Variants in ZBTB21 observed in about 807,000 individuals in gnomAD.
ZBTB21 encodes the protein zinc finger and BTB domain containing 21.
Under a neutral mutation model 39.8 loss-of-function variants are expected in ZBTB21, and 10 were observed. That is an observed-to-expected ratio of 0.25 (90% CI 0.16 to 0.43). The LOEUF is 0.43. Among genes scored for constraint, ZBTB21 ranks in the 20% least tolerant of loss-of-function variants. The pLI is 1.00. For missense variants in ZBTB21, 1,221 were observed against 1,296.3 expected, an observed-to-expected ratio of 0.94 and a Z score of 0.89; for synonymous variants, 551 against 498.8, an observed-to-expected ratio of 1.10 and a Z score of -1.40.
At chr21:42,003,525 G>C (rs903295136) in intron 1 of ZBTB21, among the ~76,000 whole-genome samples, 1 of 152,164 alleles carries the variant, frequency 6.6e-6, no homozygotes, top group African/African-American at 2.4e-5. Context: ...TAGTCCTAAG[G>C]AAGGCTTGGG....
At position 41,990,671 on chromosome 21, in the gene ZBTB21, A is replaced by T. The variant is rs117381564; in HGVS notation, c.*224T>A. The T allele has an allele frequency of 5.9e-4, 217 of 369,138 alleles. 3 individuals are homozygous for T. The East Asian group carries it at 9.4e-3, about 16-fold the overall frequency. 22.9% of individuals were successfully genotyped at this position (369,138 alleles called of 1,614,324 possible). A position where few individuals can be genotyped will look rare whatever the true frequency, so the allele number is the denominator to read the frequency against. ...ATTTCAACATTAATGAAATCAAACC[A>T]TCTTGTTCTTGTAAGGTCCAGAACC... is the stretch of plus-strand genomic sequence containing the variant. On this transcript the variant is annotated 3_prime_UTR_variant, in exon 3 of 3. Coordinates refer to ENST00000310826, the MANE Select transcript of ZBTB21 (RefSeq NM_001098402.2).
Position 41,993,601 on chromosome 21 carries a change from T to C in ZBTB21, c.495A>G (p.Gln165=), listed in dbSNP as rs201692111. The change falls in exon 3 of 3, where the codon CAA becomes CAG. Residue 165 remains glutamine (Q), a synonymous_variant. Transcript: ENST00000310826. ...AAGTATGGCTTACATCGGGTTGATT[T>C]TGACTAACAGTTTTTCCTTGCGCTT... ...RNEAQGKTVS[Q]NQPDVSHTSR... 18 of 1,614,278 alleles carry C rather than the reference T, an allele frequency of 1.1e-5. No individual in the cohort carries two copies. The African/African-American group carries it at 2.4e-4, about 21-fold the overall frequency.
Position 41,992,157 on chromosome 21 carries a change from G to C in ZBTB21, c.1939C>G (p.Gln647Glu). ...IKLRRGKPGF[Q>E]GQSSSQAQQV... ...TGTGCTTGGGAGCTACTCTGTCCCT[G>C]AAAACCAGGCTTGCCGCGCCTTAAC... The change falls in exon 3 of 3, where the codon CAG (glutamine) becomes GAG (glutamate). Residue 647 changes from glutamine to glutamate, a missense_variant. Physicochemically the swap from Gln to Glu is conservative, Grantham distance 29. Transcript: ENST00000310826. This position sits in a 1 kb window ranked among gnomAD's most constrained non-coding sequence, Gnocchi z 4.1. 6.2e-7 allele frequency: 1 copy of C among 1,614,186 alleles called. No homozygotes were observed. The highest frequency in any genetic ancestry group is 8.5e-7 in the Non-Finnish European group (1 of 1,180,032).
Position 41,992,196 on chromosome 21 carries a change from C to T in ZBTB21, c.1900G>A (p.Ala634Thr), listed in dbSNP as rs760064273. ...DIVREREIKK[A>T]LIIKLRRGKP... ...CCGCGCCTTAACTTAATGATCAGGGCCTTCTTAATTTCTCTCTCTCTCACT... is the reference window on the plus strand; with the variant it reads ...CCGCGCCTTAACTTAATGATCAGGGTCTTCTTAATTTCTCTCTCTCTCACT... The change falls in exon 3 of 3, where the codon GCC becomes ACC. Residue 634 changes from alanine (A) to threonine (T), a missense_variant. This residue lies in a region of ZBTB21 where 523 missense variants were observed against 542.5 expected (regional missense o/e 0.96). Coordinates refer to ENST00000310826, the MANE Select transcript of ZBTB21 (RefSeq NM_001098402.2). The surrounding 1 kb of genome is among the most constrained non-coding windows in gnomAD (Gnocchi z 4.1). 1 of 1,614,092 alleles carries T rather than the reference C, an allele frequency of 6.2e-7. No individual in the cohort carries two copies. The highest frequency in any genetic ancestry group is 1.3e-5 in the African/African-American group (1 of 75,010).
chr21:42,009,028 G>GC (rs1451124512), intron 1 of ZBTB21, among the ~76,000 whole-genome samples: 1 of 152,174 alleles, frequency 6.6e-6, no homozygotes, highest in East Asian at 1.9e-4. Context: ...AATGTAAGCT[G>GC]CTTAATTGAG....
Position 41,994,013 on chromosome 21 carries a change from T to C in ZBTB21, c.83A>G (p.Gln28Arg), listed in dbSNP as rs1251438864. The C allele has an allele frequency of 1.9e-6, 3 of 1,614,134 alleles. No homozygotes were observed. Among genetic ancestry groups the C allele is most frequent in the South Asian group, 2.2e-5 (2 of 91,086 alleles). Residue 28 changes from glutamine to arginine, a missense_variant, in exon 3 of 3, where the codon CAG becomes CGG. Gln to Arg is a conservative substitution (Grantham distance 43). Coordinates refer to ENST00000310826, the MANE Select transcript of ZBTB21 (RefSeq NM_001098402.2). ...SALNEERLKGQLCDVLLIVGD... is the reference protein window; with the variant it reads ...SALNEERLKGRLCDVLLIVGD... ...AACAATCAGCAGCACATCACACAGC[T>C]GTCCTTTGAGACGCTCCTCATTCAG...
chr21:41,991,383 C>G lies in ZBTB21; in HGVS notation c.2713G>C (p.Glu905Gln), dbSNP rs2065651368. The part of the protein sequence containing the change: ...TAPKEAGPSK[E>Q]ASLWPCEKCG... ...TTCTCGCAGGGCCACAGGCTGGCTT[C>G]TTTGCTAGGACCCGCTTCTTTGGGG... The change falls in exon 3 of 3, where the codon GAA becomes CAA. Residue 905 changes from glutamate to glutamine, a missense_variant. By Grantham distance (29) the Glu-to-Gln change is conservative. Around this residue, in one of 4 missense-constraint regions of ZBTB21, gnomAD observed 523 missense variants for 542.5 expected, o/e 0.96. Coordinates refer to ENST00000310826, the MANE Select transcript of ZBTB21 (RefSeq NM_001098402.2). This position sits in a 1 kb window ranked among gnomAD's most constrained non-coding sequence, Gnocchi z 4.9. 6.2e-7 allele frequency: 1 copy of G among 1,606,522 alleles called. No homozygotes were observed. The highest frequency in any genetic ancestry group is 1.3e-5 in the African/African-American group (1 of 74,422).
In ZBTB21 at chr21:41,990,731, G is replaced by C; in HGVS notation, c.*164C>G. 1.7e-6 allele frequency: 1 copy of C among 605,090 alleles called. No homozygotes were observed. Among genetic ancestry groups the C allele is most frequent in the Non-Finnish European group, 2.6e-6 (1 of 387,610 alleles). 37.5% of individuals were successfully genotyped at this position (605,090 alleles called of 1,614,324 possible). A position where few individuals can be genotyped will look rare whatever the true frequency, so the allele number is the denominator to read the frequency against. On this transcript the variant is annotated 3_prime_UTR_variant, in exon 3 of 3. Coordinates refer to ENST00000310826, the MANE Select transcript of ZBTB21 (RefSeq NM_001098402.2). ...TAAAAGCTGTATTTCTAAAGTTAAG[G>C]ACATTACTAAGTAATTATCAATTTG...
At chr21:41,997,767 A>T (rs2065768077) in intron 2 of ZBTB21, among the ~76,000 whole-genome samples, 3 of 152,212 alleles carry the variant, frequency 2.0e-5, no homozygotes. Context: ...GTTTAAACTG[A>T]TATTTCACTG....
In ZBTB21 at chr21:41,987,422, G is replaced by A. The variant is rs1418565488; in HGVS notation, c.*3473C>T. ...TACAAAAAATTAAACTTCTTAAAGT[G>A]CTAAAACCACAAAAAGCCATAAATG... On this transcript the variant is annotated 3_prime_UTR_variant, in exon 3 of 3. Coordinates refer to ENST00000310826, the MANE Select transcript of ZBTB21 (RefSeq NM_001098402.2). 1.3e-5 allele frequency: 2 copies of A among 152,156 alleles called. No individual in the cohort carries two copies. The highest frequency in any genetic ancestry group is 4.8e-5 in the African/African-American group (2 of 41,432). The allele number at this position is 152,156 out of a possible 1,614,324, so 9.4% of individuals were successfully genotyped here. A position where few individuals can be genotyped will look rare whatever the true frequency, so the allele number is the denominator to read the frequency against.
Position 41,993,270 on chromosome 21 carries a change from G to C in ZBTB21, c.826C>G (p.Arg276Gly), listed in dbSNP as rs372250863. The C allele has an allele frequency of 6.2e-7, 1 of 1,612,100 alleles. No homozygotes were observed. The change falls in exon 3 of 3, where the codon CGG (arginine) becomes GGG (glycine). Residue 276 changes from arginine (R) to glycine (G), a missense_variant. Around this residue, in one of 4 missense-constraint regions of ZBTB21, gnomAD observed 500 missense variants for 465.6 expected, o/e 1.07. Transcript: ENST00000310826. Reference protein sequence around the residue: ...KALELALKRPRPPVLSVCSSS... With the variant: ...KALELALKRPGPPVLSVCSSS... ...CTACAAACAGACAAAACAGGTGGCC[G>C]TGGTCTCTTCAAAGCCAGCTCTAGA... is the stretch of plus-strand genomic sequence containing the variant.
chr21:41,991,470 T>C lies in ZBTB21; in HGVS notation c.2626A>G (p.Ile876Val). 1 of 1,614,110 alleles carries C rather than the reference T, an allele frequency of 6.2e-7. No individual in the cohort carries two copies. The highest frequency in any genetic ancestry group is 1.3e-5 in the African/African-American group (1 of 75,008). Residue 876 changes from isoleucine to valine, a missense_variant, in exon 3 of 3, where the codon ATC (isoleucine) becomes GTC (valine). This residue lies in a region of ZBTB21 where 523 missense variants were observed against 542.5 expected (regional missense o/e 0.96). Transcript: ENST00000310826. The surrounding 1 kb of genome is among the most constrained non-coding windows in gnomAD (Gnocchi z 4.9). ...EDLSLSKQLK[I>V]QVKEEPVEEA... Reference sequence around the variant, plus strand: ...TCCACAGGCTCCTCTTTGACTTGGATTTTCAGTTGCTTGGAAAGACTAAGG... The same window carrying C: ...TCCACAGGCTCCTCTTTGACTTGGACTTTCAGTTGCTTGGAAAGACTAAGG...
intron 1 of ZBTB21, chr21:42,009,096 C>T (rs2065921723): frequency 6.6e-6 from 1 of 152,128 alleles, no homozygotes; most frequent in African/African-American, 2.4e-5. Flanking sequence ...CGCGTGCCCT[C>T]GGAGGCTCGG....
chr21:42,000,205 C>G (rs1329174823), intron 2 of ZBTB21, among the ~76,000 whole-genome samples: 1 of 152,142 alleles, frequency 6.6e-6, no homozygotes, highest in East Asian at 1.9e-4. Flanking sequence ...TGGGGTTTGA[C>G]AGAAAAACCA....
chr21:42,005,106 A>G (rs905846547), intron 1 of ZBTB21, among the ~76,000 whole-genome samples: 1 of 152,218 alleles, frequency 6.6e-6, no homozygotes, highest in Non-Finnish European at 1.5e-5. Flanking sequence ...CACATTCAGG[A>G]GAATGATCCT....
At position 42,008,785 on chromosome 21, in the gene ZBTB21, G is replaced by A. The variant is rs1021293720; in HGVS notation, c.-79+1467C>T. 3.3e-5 allele frequency among the ~76,000 whole-genome samples: 5 copies of A among 152,006 alleles called. No homozygotes were observed. The East Asian group carries it at 9.6e-4, about 29-fold the overall frequency. On this transcript the variant is annotated intron_variant, in intron 1 of 2. Transcript: ENST00000310826. ...ATACTTTCAATAAAGTGTTAAAAAGGAAAAATAAACAAAAAGTTACTTTTA... is the reference window on the plus strand; with the variant it reads ...ATACTTTCAATAAAGTGTTAAAAAGAAAAAATAAACAAAAAGTTACTTTTA...
intron 1 of ZBTB21, among the ~76,000 whole-genome samples, chr21:42,005,796 T>C (rs554379048): frequency 2.6e-5 from 4 of 152,276 alleles, no homozygotes; most frequent in South Asian, 4.1e-4. Context: ...ATCTGAAATA[T>C]AGGGGTGCAC....
In ZBTB21 at chr21:41,993,221, A is replaced by G. The variant is rs1421051378; in HGVS notation, c.875T>C (p.Leu292Ser). The change falls in exon 3 of 3, where the codon TTA (leucine) becomes TCA (serine). Residue 292 changes from leucine (L) to serine (S), a missense_variant. By Grantham distance (145) the Leu-to-Ser change is moderately radical. Coordinates refer to ENST00000310826, the MANE Select transcript of ZBTB21 (RefSeq NM_001098402.2). The stretch of plus-strand genomic sequence containing the variant: ...ACCATTTCCTTTGTTAGTTTCTTTT[A>G]ATAGATAGGGAGTCTCTGATGAGCT... The part of the protein sequence containing the change: ...VCSSSETPYL[L>S]KETNKGNGQG... 2.5e-6 allele frequency: 4 copies of G among 1,612,028 alleles called. No individual in the cohort carries two copies. Among genetic ancestry groups the G allele is most frequent in the Non-Finnish European group, 3.4e-6 (4 of 1,180,030 alleles).
chr21:41,988,544 TA>T lies in ZBTB21; in HGVS notation c.*2350del, dbSNP rs2065608384. 1 of 151,296 alleles carries T rather than the reference TA, an allele frequency of 6.6e-6. No homozygotes were observed. The highest frequency in any genetic ancestry group is 2.4e-5 in the African/African-American group (1 of 41,416). The allele number at this position is 151,296 out of a possible 1,614,324, so 9.4% of individuals were successfully genotyped here. A position where few individuals can be genotyped will look rare whatever the true frequency, so the allele number is the denominator to read the frequency against. ...TAAAATAGTTACATGAGTGGAAGCA[TA>T]TTTTTTTTGACCACCAAAATAAACT... On this transcript the variant is annotated 3_prime_UTR_variant, in exon 3 of 3. Transcript: ENST00000310826.
Sources: allele counts gnomAD v4.1 joint callset (sites outside exome capture counted in the v4.1 genomes callset), GRCh38; gene constraint gnomAD v4.1.1; regional missense constraint gnomAD v4.1.1; non-coding constraint Gnocchi (gnomAD v3.1); transcripts MANE v1.5; gene names NCBI Gene and HGNC (gene_info 2026-07-23, HGNC 2026-07-21).